FGF12: variants seen among roughly 807,000 people sequenced by gnomAD.
The protein encoded by FGF12 is fibroblast growth factor 12B.
Under a neutral mutation model 23.6 loss-of-function variants are expected in FGF12, and 14 were observed. The observed-to-expected ratio is 0.59, with a 90% confidence interval of 0.39 to 0.93. FGF12 has a LOEUF of 0.93. FGF12 is among the 40% of genes least tolerant of loss of function. The pLI, the probability that FGF12 is intolerant of heterozygous loss-of-function variation, is 0.00. For synonymous variants in FGF12, 62 were observed against 77.3 expected (o/e 0.80, Z 1.04); for missense variants, 175 against 217.8 (o/e 0.80, Z 1.24).
At chr3:192,723,666 T>G (rs564683656) in intron 2 of FGF12, among the ~76,000 whole-genome samples, 126 of 152,044 alleles carry the variant, frequency 8.3e-4, no homozygotes, top group Non-Finnish European at 1.3e-3. Context: ...CATTTAAAAC[T>G]ACTTATGCCC....
In FGF12 at chr3:192,514,785, A is replaced by G. The variant is rs1244597842; in HGVS notation, c.14-154247T>C. ...AGAAGCGCGTGTGTGGGGTTGGTCA[A>G]CTCCCCGCCCACCTGCGCTAGTAGT... On this transcript the variant is annotated intron_variant, in intron 2 of 5. Coordinates refer to ENST00000445105, the MANE Select transcript of FGF12 (RefSeq NM_004113.6). This position sits in a 1 kb window ranked among gnomAD's most constrained non-coding sequence, Gnocchi z 4.9. 1.0e-6 allele frequency: 1 copy of G among 984,492 alleles called. No individual in the cohort carries two copies. Among genetic ancestry groups the G allele is most frequent in the African/African-American group, 1.8e-5 (1 of 56,934 alleles). 61.0% of individuals were successfully genotyped at this position (984,492 alleles called of 1,614,324 possible). A position where few individuals can be genotyped will look rare whatever the true frequency, so the allele number is the denominator to read the frequency against.
At chr3:192,335,929 T>C (rs1271788916) in intron 3 of FGF12, among the ~76,000 whole-genome samples, 1 of 152,078 alleles carries the variant, frequency 6.6e-6, no homozygotes, top group African/African-American at 2.4e-5. Flanking sequence ...TTCCAAACAT[T>C]ATATTGAACA....
At chr3:192,594,742 T>C (rs1285815905) in intron 2 of FGF12, among the ~76,000 whole-genome samples, 1 of 151,956 alleles carries the variant, frequency 6.6e-6, no homozygotes, top group Non-Finnish European at 1.5e-5. Context: ...TTTTCTGCCA[T>C]GTTATGATGC....
intron 2 of FGF12, among the ~76,000 whole-genome samples, chr3:192,447,686 A>C (rs1324973234): frequency 1.3e-5 from 2 of 152,022 alleles, no homozygotes; most frequent in African/African-American, 4.8e-5. Flanking sequence ...CTTAACATTA[A>C]ATCATTTTAC....
At chr3:192,303,530 C>A (rs1227921489) in intron 4 of FGF12, among the ~76,000 whole-genome samples, 3 of 152,168 alleles carry the variant, frequency 2.0e-5, no homozygotes, top group Admixed American at 6.5e-5. Flanking sequence ...GTATAGTGCA[C>A]AAGATAATTA....
chr3:192,646,817 CTGAA>C (rs1716022523), intron 2 of FGF12, among the ~76,000 whole-genome samples: 2 of 152,086 alleles, frequency 1.3e-5, no homozygotes, highest in African/African-American at 4.8e-5. Flanking sequence ...TACGAATATA[CTGAA>C]AACCAGTACG....
chr3:192,331,311 C>CAA (rs201997868), intron 4 of FGF12, among the ~76,000 whole-genome samples: 302 of 95,480 alleles, frequency 3.2e-3, no homozygotes, highest in Middle Eastern at 0.025. Context: ...GGAGTTTTCT[C>CAA]AAAAAAAAAA....
intron 4 of FGF12, among the ~76,000 whole-genome samples, chr3:192,311,601 G>C (rs1715940934): frequency 6.6e-6 from 1 of 152,078 alleles, no homozygotes. Flanking sequence ...TGCTACTATG[G>C]GTATGCATAT....
At chr3:192,303,023 T>C (rs1214291067) in intron 4 of FGF12, among the ~76,000 whole-genome samples, 1 of 152,218 alleles carries the variant, frequency 6.6e-6, no homozygotes, top group Non-Finnish European at 1.5e-5. Flanking sequence ...TTTTTAAATC[T>C]CTTTTGTAAT....
intron 2 of FGF12, among the ~76,000 whole-genome samples, chr3:192,370,594 A>G (rs1270585714): frequency 1.3e-5 from 2 of 152,178 alleles, no homozygotes; most frequent in African/African-American, 4.8e-5. Context: ...GTCATGCCCC[A>G]CATGCTTCAG....
At chr3:192,583,343 T>G (rs1006024066) in intron 2 of FGF12, among the ~76,000 whole-genome samples, 1 of 152,246 alleles carries the variant, frequency 6.6e-6, no homozygotes, top group African/African-American at 2.4e-5. Flanking sequence ...CAAAATAGTT[T>G]ATACTTTTCA....
At chr3:192,295,517 AATATCCAAGTGTGGATAT>A (rs1358057888) in intron 4 of FGF12, among the ~76,000 whole-genome samples, 1 of 152,218 alleles carries the variant, frequency 6.6e-6, no homozygotes, top group Non-Finnish European at 1.5e-5. Flanking sequence ...TCGAAGACAG[AATATCCAAGTGTGGATAT>A]ATCAAATTAA....
chr3:192,656,432 T>A (rs1716429472), intron 2 of FGF12, among the ~76,000 whole-genome samples: 1 of 152,144 alleles, frequency 6.6e-6, no homozygotes, highest in Non-Finnish European at 1.5e-5. Flanking sequence ...TAAAACTTCA[T>A]GCTCCATATT....
intron 5 of FGF12, among the ~76,000 whole-genome samples, chr3:192,156,478 C>T (rs1277353273): frequency 6.6e-6 from 1 of 152,202 alleles, no homozygotes; most frequent in Non-Finnish European, 1.5e-5. Context: ...GCACTTGATA[C>T]TATTTTTCCA....
At chr3:192,722,432 T>TTAAGTTTAAG (rs1719067591) in intron 2 of FGF12, among the ~76,000 whole-genome samples, 1 of 152,208 alleles carries the variant, frequency 6.6e-6, no homozygotes. Flanking sequence ...GAGAAATGAC[T>TTAAGTTTAAG]GTTCTATACC....
chr3:192,431,838 T>C, intron 2 of FGF12, among the ~76,000 whole-genome samples: 1 of 152,186 alleles, frequency 6.6e-6, no homozygotes, highest in East Asian at 1.9e-4. Context: ...GATAACAGCA[T>C]TAACCTTCAC....
intron 2 of FGF12, among the ~76,000 whole-genome samples, chr3:192,423,337 T>G (rs1386889367): frequency 6.6e-6 from 1 of 152,172 alleles, no homozygotes; most frequent in East Asian, 1.9e-4. Flanking sequence ...TTTTGGAGTG[T>G]TCCATCTTAG....
intron 2 of FGF12, among the ~76,000 whole-genome samples, chr3:192,402,003 C>A (rs1321314858): frequency 6.6e-6 from 1 of 152,098 alleles, no homozygotes; most frequent in Non-Finnish European, 1.5e-5. Flanking sequence ...AACTGAGGTG[C>A]AAAGATATTA....
chr3:192,318,529 G>C (rs371725169), intron 4 of FGF12, among the ~76,000 whole-genome samples: 1 of 151,924 alleles, frequency 6.6e-6, no homozygotes, highest in Non-Finnish European at 1.5e-5. Context: ...GAAAATTCAC[G>C]ATCAGAGAAG....
Sources: allele counts gnomAD v4.1 joint callset (sites outside exome capture counted in the v4.1 genomes callset), GRCh38; gene constraint gnomAD v4.1.1; non-coding constraint Gnocchi (gnomAD v3.1); transcripts MANE v1.5; gene names NCBI Gene and HGNC (gene_info 2026-07-23, HGNC 2026-07-21).